The following PLPPR1 variants were observed in gnomAD, a reference collection of about 807,000 sequenced individuals.
PLPPR1 encodes phospholipid phosphatase related 1.
Under a neutral mutation model 33.1 loss-of-function variants are expected in PLPPR1, and 10 were observed. The observed-to-expected ratio is 0.30, with a 90% CI of 0.19 to 0.51. The LOEUF (loss-of-function observed/expected upper bound fraction) is 0.51, where lower values mean the gene tolerates loss of function less well. PLPPR1 is among the 20% of genes least tolerant of loss of function. The pLI, the probability that PLPPR1 is intolerant of heterozygous loss-of-function variation, is 0.97. For synonymous variants in PLPPR1, 151 were observed against 151.0 expected, an observed-to-expected ratio of 1.00 and a Z score of 0.00; for missense variants, 304 against 408.1, an observed-to-expected ratio of 0.74 and a Z score of 2.20.
At chr9:101,116,053 A>T (rs973912317) in intron 1 of PLPPR1, among the ~76,000 whole-genome samples, 7 of 152,204 alleles carry the variant, frequency 4.6e-5, no homozygotes, top group Non-Finnish European at 1.0e-4. Context: ...AATTAATACA[A>T]ATCCAAATGC....
rs764132766 is a variant in PLPPR1 at position 101,188,960 on chromosome 9, C to T, written c.63+3403C>T. The stretch of plus-strand genomic sequence containing the variant: ...ATCAGTTTCTTTGCTTACTATTCCT[C>T]TCCTACTGTAATTTGCTCATGAAGT... On this transcript the variant is annotated intron_variant, in intron 2 of 7. Coordinates refer to ENST00000374874, the MANE Select transcript of PLPPR1 (RefSeq NM_207299.2). Among the ~76,000 whole-genome samples the T allele has an allele frequency of 1.4e-4, 22 of 151,972 alleles. 1 individual carries two copies. Among genetic ancestry groups the T allele is most frequent in the Non-Finnish European group, 3.2e-4 (22 of 67,978 alleles).
chr9:101,205,408 G>C (rs539036902), intron 2 of PLPPR1, among the ~76,000 whole-genome samples: 57 of 152,232 alleles, frequency 3.7e-4, no homozygotes, highest in African/African-American at 1.3e-3. Context: ...CACCTAGAAG[G>C]GGCCTTGTCA....
intron 1 of PLPPR1, among the ~76,000 whole-genome samples, chr9:101,115,324 A>T (rs1332189959): frequency 6.6e-6 from 1 of 152,164 alleles, no homozygotes; most frequent in Non-Finnish European, 1.5e-5. Context: ...AACCTGCATA[A>T]ATTTAGCCTG....
intron 2 of PLPPR1, among the ~76,000 whole-genome samples, chr9:101,230,408 C>T (rs1827157446): frequency 6.6e-6 from 1 of 152,118 alleles, no homozygotes; most frequent in Non-Finnish European, 1.5e-5. Flanking sequence ...TCCACACCTT[C>T]AGTTGTTCTT....
intron 2 of PLPPR1, among the ~76,000 whole-genome samples, chr9:101,214,856 C>T (rs975955927): frequency 9.9e-5 from 15 of 151,848 alleles, no homozygotes; most frequent in African/African-American, 3.1e-4. Context: ...AATCTTGTCT[C>T]TACTAAAAAT....
intron 1 of PLPPR1, among the ~76,000 whole-genome samples, chr9:101,133,574 G>A (rs556311828): frequency 1.3e-5 from 2 of 152,182 alleles, no homozygotes; most frequent in South Asian, 4.1e-4. Flanking sequence ...AGTTTTAGGC[G>A]ATCATGATTA....
intron 1 of PLPPR1, among the ~76,000 whole-genome samples, chr9:101,111,580 T>A (rs1831058203): frequency 1.3e-5 from 2 of 152,238 alleles, no homozygotes; most frequent in African/African-American, 4.8e-5. Flanking sequence ...CAATTTGGTA[T>A]GATTTGTCAA....
At chr9:101,161,590 A>G (rs1238678326) in intron 1 of PLPPR1, among the ~76,000 whole-genome samples, 2 of 152,094 alleles carry the variant, frequency 1.3e-5, no homozygotes, top group African/African-American at 2.4e-5. Context: ...TGCCTGCCTT[A>G]TAAGATTATT....
intron 1 of PLPPR1, among the ~76,000 whole-genome samples, chr9:101,160,391 T>C (rs114454434): frequency 8.7e-4 from 132 of 152,342 alleles, no homozygotes; most frequent in African/African-American, 3.0e-3. Flanking sequence ...TGGCAGATGA[T>C]GTAAAGTGCC....
At chr9:101,056,635 G>A (rs146809208) in intron 1 of PLPPR1, among the ~76,000 whole-genome samples, 2 of 152,246 alleles carry the variant, frequency 1.3e-5, no homozygotes, top group African/African-American at 4.8e-5. Flanking sequence ...AGATGAGAGT[G>A]AAATCATCAC....
chr9:101,228,502 T>A (rs992863980), intron 2 of PLPPR1, among the ~76,000 whole-genome samples: 49 of 151,944 alleles, frequency 3.2e-4, no homozygotes, highest in African/African-American at 1.0e-3. Context: ...GTGTAAAAAA[T>A]TTTTAAAGAC....
chr9:101,229,232 T>C (rs1166521772), intron 2 of PLPPR1, among the ~76,000 whole-genome samples: 1 of 152,080 alleles, frequency 6.6e-6, no homozygotes, highest in Non-Finnish European at 1.5e-5. Flanking sequence ...AGAAAAACAG[T>C]GCAGTGTGGT....
At chr9:101,293,177 A>G (rs1187791438) in intron 4 of PLPPR1, among the ~76,000 whole-genome samples, 5 of 151,818 alleles carry the variant, frequency 3.3e-5, no homozygotes, top group Admixed American at 3.3e-4. Context: ...AACAGACTGT[A>G]AACCAACAAA....
intron 2 of PLPPR1, among the ~76,000 whole-genome samples, chr9:101,268,091 C>G (rs981842464): frequency 2.6e-5 from 4 of 151,822 alleles, no homozygotes; most frequent in African/African-American, 9.7e-5. Context: ...ACATCACACA[C>G]CGGGGCCTGT....
At chr9:101,261,712 T>C (rs1032804190) in intron 2 of PLPPR1, among the ~76,000 whole-genome samples, 6 of 152,158 alleles carry the variant, frequency 3.9e-5, no homozygotes, top group Non-Finnish European at 5.9e-5. Context: ...TGGATAGAGC[T>C]GGAGGCCATT....
chr9:101,133,347 A>G (rs1476516727), intron 1 of PLPPR1, among the ~76,000 whole-genome samples: 1 of 152,204 alleles, frequency 6.6e-6, no homozygotes, highest in African/African-American at 2.4e-5. Flanking sequence ...TGCTGTAATT[A>G]AATCATTAAA....
intron 1 of PLPPR1, among the ~76,000 whole-genome samples, chr9:101,138,341 C>T (rs1831404077): frequency 6.6e-6 from 1 of 152,146 alleles, no homozygotes; most frequent in South Asian, 2.1e-4. Context: ...GGCTATATTT[C>T]ACTTACTGCT....
intron 1 of PLPPR1, among the ~76,000 whole-genome samples, chr9:101,177,749 A>G (rs1826039304): frequency 6.9e-6 from 1 of 145,800 alleles, no homozygotes; most frequent in Non-Finnish European, 1.5e-5. Flanking sequence ...TCTTCTTTAA[A>G]TTGACTATAC....
At chr9:101,281,379 G>A (rs183408008) in intron 3 of PLPPR1, among the ~76,000 whole-genome samples, 246 of 151,998 alleles carry the variant, frequency 1.6e-3, no homozygotes, top group African/African-American at 5.7e-3. Flanking sequence ...AAATACCAAC[G>A]ATGTTCTTCA....
Sources: allele counts gnomAD v4.1 joint callset (sites outside exome capture counted in the v4.1 genomes callset), GRCh38; gene constraint gnomAD v4.1.1; transcripts MANE v1.5; gene names NCBI Gene and HGNC (gene_info 2026-07-23, HGNC 2026-07-21).